The following FOSL1 variants were observed in gnomAD, a reference collection of about 807,000 sequenced individuals.
The protein encoded by FOSL1 is FOS like 1, AP-1 transcription factor subunit.
FOSL1 carries 14 observed loss-of-function variants against 24.9 expected under a neutral mutation model. The ratio of observed to expected loss-of-function variants is 0.56; its 90% CI spans 0.37 to 0.88. FOSL1 has a LOEUF of 0.88. Ranked by LOEUF, FOSL1 falls within the 40% of genes least tolerant of loss-of-function variation. The pLI is 0.00. For synonymous variants in FOSL1, 133 were observed against 145.1 expected (o/e 0.92, Z 0.60); for missense variants, 318 against 359.8 (o/e 0.88, Z 0.94).
chr11:65,894,113 C>T lies in FOSL1; in HGVS notation c.306G>A (p.Pro102=), dbSNP rs767082299. Residue 102 remains proline (P), a synonymous_variant, in exon 3 of 4, where the codon CCG becomes CCA. Coordinates refer to ENST00000312562, the MANE Select transcript of FOSL1 (RefSeq NM_005438.5). The part of the protein sequence containing the change: ...VRRRPCEQIS[P]EEEERRRVRR... ...TTACTCGGCGGCGCTCCTCTTCCTC[C>T]GGGCTGATCTGGGGGTGAGACCCGC... 13 of 1,604,024 alleles carry T rather than the reference C, an allele frequency of 8.1e-6. No homozygotes were observed. Among genetic ancestry groups the T allele is most frequent in the Admixed American group, 1.7e-5 (1 of 59,662 alleles).
chr11:65,900,201 CGGTCCTCCCGT>C (rs1252279548), intron 1 of FOSL1, 29 bp downstream of exon 1: 54 of 1,022,142 alleles, frequency 5.3e-5, no homozygotes, highest in Non-Finnish European at 6.7e-5. Context: ...CTCCCACGCG[CGGTCCTCCCGT>C]GGGACCACCG....
In FOSL1 at chr11:65,892,899, A is replaced by T; in HGVS notation, c.803T>A (p.Leu268His). The T allele has an allele frequency of 1.2e-6, 2 of 1,611,322 alleles. No homozygotes were observed. Among genetic ancestry groups the T allele is most frequent in the Non-Finnish European group, 1.7e-6 (2 of 1,179,778 alleles). ...PSSDPLGSPT[L>H]LAL is the part of the protein sequence containing the mutation. ...GGCTCAGGCGCCTCACAAAGCGAGG[A>T]GGGTTGGAGAGCCAAGGGGGTCAGA... The change falls in exon 4 of 4, where the codon CTC (leucine) becomes CAC (histidine). Residue 268 changes from leucine (L) to histidine (H), a missense_variant. Coordinates refer to ENST00000312562, the MANE Select transcript of FOSL1 (RefSeq NM_005438.5).
In FOSL1 at chr11:65,892,511, A is replaced by C; in HGVS notation, c.*375T>G. 1 of 468,988 alleles carries C rather than the reference A, an allele frequency of 2.1e-6. No individual in the cohort carries two copies. Among genetic ancestry groups the C allele is most frequent in the Admixed American group, 2.4e-5 (1 of 41,514 alleles). The allele number at this position is 468,988 out of a possible 1,614,324, so 29.1% of individuals were successfully genotyped here. A position where few individuals can be genotyped will look rare whatever the true frequency, so the allele number is the denominator to read the frequency against. ...AAAGTGGCACCTTCTGTCAGGAGAT[A>C]GGGTTGGGTGGATCACAGGAAGAGG... is the stretch of plus-strand genomic sequence containing the variant. On this transcript the variant is annotated 3_prime_UTR_variant, in exon 4 of 4. Coordinates refer to ENST00000312562, the MANE Select transcript of FOSL1 (RefSeq NM_005438.5).
At chr11:65,899,205 G>C (rs935592024) in intron 1 of FOSL1, among the ~76,000 whole-genome samples, 1 of 152,186 alleles carries the variant, frequency 6.6e-6, no homozygotes, top group Non-Finnish European at 1.5e-5. Context: ...CTGGGTGTGG[G>C]CGCCCAATCG....
Position 65,892,992 on chromosome 11 carries a change from T to G in FOSL1, c.710A>C (p.Tyr237Ser), listed in dbSNP as rs1176882547. ...TPFTPSLVFT[Y>S]PSTPEPCASA... The stretch of plus-strand genomic sequence containing the variant: ...GGCACAAGGCTCAGGAGTGCTGGGG[T>G]AGGTGAAGACCAGGCTGGGGGTGAA... The change falls in exon 4 of 4, where the codon TAC (tyrosine) becomes TCC (serine). Residue 237 changes from tyrosine (Y) to serine (S), a missense_variant. Tyr to Ser is a moderately radical substitution (Grantham distance 144, BLOSUM62 -2). Transcript: ENST00000312562. 3.7e-6 allele frequency: 6 copies of G among 1,612,362 alleles called. No homozygotes were observed. The African/African-American group carries it at 5.4e-5, about 14-fold the overall frequency.
chr11:65,899,576 C>G (rs1860619474), intron 1 of FOSL1, among the ~76,000 whole-genome samples: 2 of 152,238 alleles, frequency 1.3e-5, no homozygotes, highest in African/African-American at 4.8e-5. Flanking sequence ...GCAGCCTGAC[C>G]CCGCGCACGT....
chr11:65,894,089 T>C lies in FOSL1; in HGVS notation c.330A>G (p.Val110=). The C allele has an allele frequency of 1.2e-6, 2 of 1,610,006 alleles. No homozygotes were observed. The highest frequency in any genetic ancestry group is 1.7e-6 in the Non-Finnish European group (2 of 1,179,576). Residue 110 remains valine (V), a synonymous_variant, in exon 3 of 4, where the codon GTA becomes GTG. Coordinates refer to ENST00000312562, the MANE Select transcript of FOSL1 (RefSeq NM_005438.5). ...ISPEEEERRR[V]RRERNKLAAA... ...CAGCCAGCTTGTTCCGCTCGCGCCT[T>C]ACTCGGCGGCGCTCCTCTTCCTCCG... is the stretch of plus-strand genomic sequence containing the variant.
intron 2 of FOSL1, among the ~76,000 whole-genome samples, chr11:65,895,307 G>A (rs1860499882): frequency 6.6e-6 from 1 of 151,662 alleles, no homozygotes; most frequent in African/African-American, 2.4e-5. Context: ...GTATTTTTTA[G>A]TAGAGACACG....
intron 2 of FOSL1, among the ~76,000 whole-genome samples, 186 bp downstream of exon 2, chr11:65,896,623 C>G (rs1415313128): frequency 6.6e-6 from 1 of 152,178 alleles, no homozygotes; most frequent in Non-Finnish European, 1.5e-5. Flanking sequence ...TTTCCCTGAT[C>G]TGGAAGTGAC....
chr11:65,893,053 T>G lies in FOSL1; in HGVS notation c.649A>C (p.Thr217Pro). Residue 217 changes from threonine (T) to proline (P), a missense_variant, in exon 4 of 4, where the codon ACC becomes CCC. Transcript: ENST00000312562. ...GAGGGTGTGGTCATGAGTGTGGGGG[T>G]GTGCAGTGCCTCAGGTTCAAGCACA... Reference protein sequence around the residue: ...GPVLEPEALHTPTLMTTPSLT... With the variant: ...GPVLEPEALHPPTLMTTPSLT... The G allele has an allele frequency of 6.2e-7, 1 of 1,610,078 alleles. No homozygotes were observed. The highest frequency in any genetic ancestry group is 8.5e-7 in the Non-Finnish European group (1 of 1,178,302).
chr11:65,892,848 G>A lies in FOSL1; in HGVS notation c.*38C>T, dbSNP rs1394462232. On this transcript the variant is annotated 3_prime_UTR_variant, in exon 4 of 4. Coordinates refer to ENST00000312562, the MANE Select transcript of FOSL1 (RefSeq NM_005438.5). The stretch of plus-strand genomic sequence containing the variant: ...GGTGGGGGAAGGGGAGGAGACATTG[G>A]CTAGGGTGGCATCTGCAGGGAGTAG... 1 of 1,597,312 alleles carries A rather than the reference G, an allele frequency of 6.3e-7. No homozygotes were observed. The highest frequency in any genetic ancestry group is 1.3e-5 in the African/African-American group (1 of 74,686).
chr11:65,892,352 C>A lies in FOSL1; in HGVS notation c.*534G>T, dbSNP rs1298281910. On this transcript the variant is annotated 3_prime_UTR_variant, in exon 4 of 4. Transcript: ENST00000312562. ...GCTGAAGGCTTCTCAAAGCTGAGATCCGCAGATCAGCTCATCACAGAAGCC... is the reference window on the plus strand; with the variant it reads ...GCTGAAGGCTTCTCAAAGCTGAGATACGCAGATCAGCTCATCACAGAAGCC... 3 of 287,946 alleles carry A rather than the reference C, an allele frequency of 1.0e-5. No individual in the cohort carries two copies. The Admixed American group carries it at 1.4e-4, about 14-fold the overall frequency. The allele number at this position is 287,946 out of a possible 1,614,324, so 17.8% of individuals were successfully genotyped here.
chr11:65,893,420 C>T, intron 3 of FOSL1, 124 bp from the exon 4 acceptor site: 1 of 715,870 alleles, frequency 1.4e-6, no homozygotes, highest in Non-Finnish European at 2.3e-6. Flanking sequence ...AGTGGAGAGT[C>T]CCCAGCAAGT....
In FOSL1 at chr11:65,894,045, C is replaced by T. The variant is rs778680030; in HGVS notation, c.374G>A (p.Arg125Gln). The change falls in exon 3 of 4, where the codon CGG becomes CAG. Residue 125 changes from arginine (R) to glutamine (Q), a missense_variant. Physicochemically the swap from Arg to Gln is conservative, Grantham distance 43. Transcript: ENST00000312562. ...CAGGAAGTCGGTCAGTTCCTTCCTC[C>T]GGTTCCTGCACTTGGCCGCAGCCAG... ...NKLAAAKCRN[R>Q]RKELTDFLQA... The T allele has an allele frequency of 3.7e-6, 6 of 1,610,190 alleles. No homozygotes were observed. Among genetic ancestry groups the T allele is most frequent in the Admixed American group, 1.7e-5 (1 of 59,754 alleles).
At chr11:65,897,057 G>T in intron 1 of FOSL1, 51 bp from the exon 2 acceptor site, 1 of 1,367,856 alleles carries the variant, frequency 7.3e-7, no homozygotes, top group Non-Finnish European at 1.0e-6. Context: ...TGGATTGAGG[G>T]GCTTCCACTG....
In FOSL1 at chr11:65,900,318, G is replaced by T. The variant is rs1185029344; in HGVS notation, c.22C>A (p.Pro8Thr). The change falls in exon 1 of 4, where the codon CCC (proline) becomes ACC (threonine). Residue 8 changes from proline (P) to threonine (T), a missense_variant. Physicochemically the swap from Pro to Thr is conservative, Grantham distance 38. Transcript: ENST00000312562. MFRDFGE[P>T]GPSSGNGGGY... ...CCGCCGTTCCCGGAGCTCGGGCCGG[G>T]TTCCCCGAAGTCTCGGAACATGCCC... The T allele has an allele frequency of 1.6e-6, 2 of 1,243,448 alleles. No homozygotes were observed. The highest frequency in any genetic ancestry group is 2.0e-6 in the Non-Finnish European group (2 of 993,868). The allele number at this position is 1,243,448 out of a possible 1,614,324, so 77.0% of individuals were successfully genotyped here.
intron 2 of FOSL1, among the ~76,000 whole-genome samples, chr11:65,895,027 TGG>T (rs1455986347): frequency 6.6e-6 from 1 of 150,714 alleles, no homozygotes; most frequent in Non-Finnish European, 1.5e-5. Flanking sequence ...CTGGAACTCA[TGG>T]GCTCAAGGGA....
At chr11:65,900,152 C>G in intron 1 of FOSL1, 89 bp downstream of exon 1, 1 of 643,932 alleles carries the variant, frequency 1.6e-6, no homozygotes, top group Non-Finnish European at 2.2e-6. Flanking sequence ...ACTCCGGTTC[C>G]CCGCTCCAGT....
chr11:65,896,635 G>T (rs1326244425), intron 2 of FOSL1, among the ~76,000 whole-genome samples, 174 bp downstream of exon 2: 1 of 152,148 alleles, frequency 6.6e-6, no homozygotes, highest in Non-Finnish European at 1.5e-5. Flanking sequence ...GGAAGTGACT[G>T]TTGTACCCTC....
Sources: allele counts gnomAD v4.1 joint callset (sites outside exome capture counted in the v4.1 genomes callset), GRCh38; gene constraint gnomAD v4.1.1; transcripts MANE v1.5; gene names NCBI Gene and HGNC (gene_info 2026-07-23, HGNC 2026-07-21).